Variants in VGLL4 observed in about 807,000 individuals in gnomAD.
VGLL4 encodes vestigial like family member 4.
A neutral mutation model predicts 21.0 loss-of-function variants in VGLL4; 7 were observed. The observed-to-expected ratio is 0.33, with a 90% CI of 0.19 to 0.63. The LOEUF (loss-of-function observed/expected upper bound fraction) is 0.63. VGLL4 is among the 20% of genes least tolerant of loss of function. The pLI, the probability that VGLL4 is intolerant of heterozygous loss-of-function variation, is 0.78. For missense variants in VGLL4, 394 were observed against 425.7 expected, an observed-to-expected ratio of 0.93 and a Z score of 0.66; for synonymous variants, 222 against 173.2, an observed-to-expected ratio of 1.28 and a Z score of -2.21.
At chr3:11,638,970 C>T (rs1286486839) in intron 1 of VGLL4, among the ~76,000 whole-genome samples, 1 of 152,178 alleles carries the variant, frequency 6.6e-6, no homozygotes, top group African/African-American at 2.4e-5. Context: ...AACAATGAAC[C>T]GTTCTAAAGC....
At chr3:11,677,292 G>C (rs1270217874) in intron 2 of VGLL4, among the ~76,000 whole-genome samples, 1 of 138,802 alleles carries the variant, frequency 7.2e-6, no homozygotes, top group Non-Finnish European at 1.6e-5. Flanking sequence ...TTTTTTTTTT[G>C]ACAGGGTCTC....
chr3:11,669,477 C>G (rs2076173629), intron 2 of VGLL4, among the ~76,000 whole-genome samples: 1 of 152,108 alleles, frequency 6.6e-6, no homozygotes, highest in Admixed American at 6.6e-5. Flanking sequence ...AGTATAATTA[C>G]AATTTTGGCA....
At chr3:11,695,810 GGTATTTTAGGATATGAAA>G (rs1384738141) in intron 2 of VGLL4, among the ~76,000 whole-genome samples, 1 of 151,978 alleles carries the variant, frequency 6.6e-6, no homozygotes, top group Non-Finnish European at 1.5e-5. Flanking sequence ...ACACCCCTCT[GGTATTTTAGGATATGAAA>G]GTAAAAATCA....
intron 2 of VGLL4, among the ~76,000 whole-genome samples, chr3:11,688,128 T>C (rs1462373560): frequency 2.0e-5 from 3 of 152,222 alleles, no homozygotes; most frequent in Non-Finnish European, 4.4e-5. Context: ...CCTTGCATTC[T>C]TGTGATGCAA....
chr3:11,689,702 G>A (rs2076499405), intron 2 of VGLL4, among the ~76,000 whole-genome samples: 1 of 152,202 alleles, frequency 6.6e-6, no homozygotes, highest in Admixed American at 6.5e-5. Flanking sequence ...CAATCAACAA[G>A]GGAAACCACT....
At chr3:11,584,951 G>T (rs948894866) in intron 2 of VGLL4, among the ~76,000 whole-genome samples, 5 of 151,916 alleles carry the variant, frequency 3.3e-5, no homozygotes, top group African/African-American at 1.2e-4. Context: ...ACCACCACCG[G>T]CTCCAAGTGT....
chr3:11,670,936 C>T (rs983667387), intron 2 of VGLL4, among the ~76,000 whole-genome samples: 6 of 152,164 alleles, frequency 3.9e-5, no homozygotes, highest in Admixed American at 1.3e-4. Flanking sequence ...ACTCGGGAGG[C>T]TGAGGCAGAA....
rs935554726 is a variant in VGLL4, at chr3:11,653,234, A to C, written c.64+49737T>G. On this transcript the variant is annotated intron_variant, in intron 2 of 5. Coordinates refer to the VGLL4 transcript ENST00000273038. The surrounding 1 kb of genome is among the most constrained non-coding windows in gnomAD (Gnocchi z 4.2). ...TTAGGGTGCCGTCCAGGAAAGAGAA[A>C]TCATGGCTGTTATTTATATAGGGAG... Among the ~76,000 whole-genome samples the C allele has an allele frequency of 3.9e-5, 6 of 152,190 alleles. No homozygotes were observed. Among genetic ancestry groups the C allele is most frequent in the African/African-American group, 1.4e-4 (6 of 41,446 alleles).
intron 1 of VGLL4, among the ~76,000 whole-genome samples, chr3:11,706,044 G>A (rs2076757088): frequency 6.6e-6 from 1 of 152,112 alleles, no homozygotes; most frequent in African/African-American, 2.4e-5. Flanking sequence ...TAAGTTGAAG[G>A]ACAATGCTTT....
rs2073404731 is a variant in VGLL4, at chr3:11,565,106, TTTAA to T, written c.273-91_273-88del. ...TGCGCCAGGCACTCCGTGTTGCTTA[TTTAA>T]TTTTTTACCCTGAAGCTCAGGTCGT... On this transcript the variant is annotated intron_variant, in intron 2 of 4. Coordinates refer to ENST00000430365, the MANE Select transcript of VGLL4 (RefSeq NM_001128219.3). This position sits in a 1 kb window ranked among gnomAD's most constrained non-coding sequence, Gnocchi z 4.1. 2.2e-5 allele frequency: 28 copies of T among 1,258,338 alleles called. No individual in the cohort carries two copies. The highest frequency in any genetic ancestry group is 2.9e-5 in the Non-Finnish European group (28 of 964,900). The allele number at this position is 1,258,338 out of a possible 1,614,324, so 77.9% of individuals were successfully genotyped here.
chr3:11,613,186 T>G (rs1575453458), intron 1 of VGLL4, among the ~76,000 whole-genome samples: 1 of 152,292 alleles, frequency 6.6e-6, no homozygotes, highest in African/African-American at 2.4e-5. Flanking sequence ...AAAATGTAAG[T>G]GTTTTGGTAA....
At chr3:11,620,154 C>A (rs2075237759) in intron 1 of VGLL4, among the ~76,000 whole-genome samples, 1 of 152,178 alleles carries the variant, frequency 6.6e-6, no homozygotes, top group Non-Finnish European at 1.5e-5. Flanking sequence ...GAAGTAGGCA[C>A]TATCATTAGT....
intron 2 of VGLL4, among the ~76,000 whole-genome samples, chr3:11,691,832 C>G (rs2076530634): frequency 6.6e-6 from 1 of 151,974 alleles, no homozygotes; most frequent in Non-Finnish European, 1.5e-5. Context: ...ACTGCCAAGC[C>G]TGAGTAGGTA....
chr3:11,578,886 A>G (rs1488077458), intron 2 of VGLL4, among the ~76,000 whole-genome samples: 1 of 151,334 alleles, frequency 6.6e-6, no homozygotes, highest in African/African-American at 2.4e-5. Context: ...AGTAGCTGGG[A>G]CTACAAGCGC....
intron 2 of VGLL4, among the ~76,000 whole-genome samples, chr3:11,679,272 G>A (rs1164801871): frequency 6.6e-6 from 1 of 152,074 alleles, no homozygotes; most frequent in East Asian, 1.9e-4. Flanking sequence ...AAATGTGGAG[G>A]TGCAAGACAG....
chr3:11,567,172 C>CTTAG (rs2073576249), intron 2 of VGLL4, among the ~76,000 whole-genome samples: 1 of 152,150 alleles, frequency 6.6e-6, no homozygotes, highest in South Asian at 2.1e-4. Flanking sequence ...CCGAGGCGTT[C>CTTAG]CGAGCCTCGG....
chr3:11,626,241 G>A (rs1196779760), intron 1 of VGLL4: 5 of 412,766 alleles, frequency 1.2e-5, no homozygotes, highest in Non-Finnish European at 4.8e-6. Context: ...AACCAAATAC[G>A]GAAGCTGAAT....
chr3:11,570,811 T>C (rs1294216047), intron 2 of VGLL4, among the ~76,000 whole-genome samples: 1 of 152,198 alleles, frequency 6.6e-6, no homozygotes, highest in African/African-American at 2.4e-5. Context: ...TGCTTCTAAA[T>C]GTCCCCGAGC....
At chr3:11,675,107 C>T (rs2076271062) in intron 2 of VGLL4, among the ~76,000 whole-genome samples, 3 of 152,104 alleles carry the variant, frequency 2.0e-5, no homozygotes, top group African/African-American at 7.2e-5. Flanking sequence ...TCTGGGAGGC[C>T]GAGGTGGGTG....
Sources: gnomAD v4.1 joint callset for allele counts (sites outside exome capture counted in the v4.1 genomes callset) on GRCh38, gnomAD v4.1.1 for gene constraint, Gnocchi (gnomAD v3.1) non-coding constraint, MANE v1.5 for transcripts, NCBI Gene and HGNC (gene_info 2026-07-23, HGNC 2026-07-21) for gene names.